PLPPR5: variants seen among roughly 807,000 people sequenced by gnomAD.
The protein encoded by PLPPR5 is phospholipid phosphatase-related protein type 5.
PLPPR5 carries 16 observed loss-of-function variants against 33.9 expected under a neutral mutation model. That is an observed-to-expected ratio of 0.47 (90% confidence interval 0.32 to 0.72). PLPPR5 has a LOEUF of 0.72. Ranked by LOEUF, PLPPR5 falls within the 30% of genes least tolerant of loss-of-function variation. The pLI is 0.03. For synonymous variants in PLPPR5, 163 were observed against 150.3 expected (o/e 1.08, Z -0.62); for missense variants, 301 against 406.7 (o/e 0.74, Z 2.23).
chr1:98,927,780 C>G (rs185893614), intron 3 of PLPPR5, among the ~76,000 whole-genome samples: 2 of 152,300 alleles, frequency 1.3e-5, no homozygotes, highest in East Asian at 3.9e-4. Context: ...CCATTCAGCC[C>G]TTCCCTCTCC....
At chr1:98,946,578 T>A (rs944799711) in intron 3 of PLPPR5, among the ~76,000 whole-genome samples, 1 of 152,164 alleles carries the variant, frequency 6.6e-6, no homozygotes, top group African/African-American at 2.4e-5. Flanking sequence ...CTTCTCCCCC[T>A]GTTCAAATCA....
intron 3 of PLPPR5, among the ~76,000 whole-genome samples, chr1:98,940,111 G>T (rs1650319168): frequency 6.6e-6 from 1 of 151,720 alleles, no homozygotes; most frequent in East Asian, 1.9e-4. Flanking sequence ...GTAAGGGAGG[G>T]GGTTCAGGTT....
At chr1:98,933,347 G>C (rs1277677225) in intron 3 of PLPPR5, among the ~76,000 whole-genome samples, 1 of 152,038 alleles carries the variant, frequency 6.6e-6, no homozygotes, top group Non-Finnish European at 1.5e-5. Context: ...GCCAGGCGTG[G>C]TGGCGCGTGC....
At chr1:98,943,672 T>A (rs1650457757) in intron 3 of PLPPR5, among the ~76,000 whole-genome samples, 1 of 152,194 alleles carries the variant, frequency 6.6e-6, no homozygotes, top group East Asian at 1.9e-4. Flanking sequence ...AACTCCAAGA[T>A]AATAAATAAA....
Position 98,953,298 on chromosome 1 carries a change from A to G in PLPPR5, c.393T>C (p.Phe131=), listed in dbSNP as rs1441771227. 1.9e-6 allele frequency: 3 copies of G among 1,613,892 alleles called. No homozygotes were observed. The highest frequency in any genetic ancestry group is 2.5e-6 in the Non-Finnish European group (3 of 1,179,980). Residue 131 remains phenylalanine, a synonymous_variant, in exon 3 of 6, where the codon TTT becomes TTC. Coordinates refer to ENST00000263177, the MANE Select transcript of PLPPR5 (RefSeq NM_001037317.2). ...CAGCATTTACAAAGATATCTGTAGC[A>G]AACAGTCCAAATGTATAAATTCCTG... The part of the protein sequence containing the change: ...RFLGIYTFGL[F]ATDIFVNAGQ...
chr1:98,976,345 A>G (rs545206629), intron 1 of PLPPR5, among the ~76,000 whole-genome samples: 15 of 152,214 alleles, frequency 9.9e-5, no homozygotes, highest in African/African-American at 3.6e-4. Context: ...CATTGATGAA[A>G]AAGTGTTTTT....
intron 3 of PLPPR5, 122 bp from the exon 4 acceptor site, chr1:98,922,180 T>C (rs1649581721): frequency 1.1e-6 from 1 of 875,804 alleles, no homozygotes. Context: ...ATTCAAATCA[T>C]TAACTGGAGT....
intron 5 of PLPPR5, among the ~76,000 whole-genome samples, chr1:98,908,730 G>A (rs1649003235): frequency 6.6e-6 from 1 of 152,148 alleles, no homozygotes; most frequent in South Asian, 2.1e-4. Flanking sequence ...CCTAAAATGG[G>A]GATGGCTGCA....
At chr1:98,937,102 A>T (rs1650196338) in intron 3 of PLPPR5, among the ~76,000 whole-genome samples, 1 of 152,232 alleles carries the variant, frequency 6.6e-6, no homozygotes, top group African/African-American at 2.4e-5. Flanking sequence ...CAGAGATCAG[A>T]ACATGGGCAG....
intron 5 of PLPPR5, among the ~76,000 whole-genome samples, chr1:98,910,749 C>T (rs1467701102): frequency 6.6e-6 from 1 of 152,092 alleles, no homozygotes; most frequent in African/African-American, 2.4e-5. Flanking sequence ...CACACTCACC[C>T]ACACTGGGAC....
chr1:98,974,084 G>A (rs1651760894), intron 1 of PLPPR5, among the ~76,000 whole-genome samples: 2 of 151,934 alleles, frequency 1.3e-5, no homozygotes. Flanking sequence ...AAAGAGCAAA[G>A]GGAAAGGAAG....
At chr1:98,980,175 T>A (rs1557691807) in intron 1 of PLPPR5, among the ~76,000 whole-genome samples, 1 of 152,056 alleles carries the variant, frequency 6.6e-6, no homozygotes, top group African/African-American at 2.4e-5. Flanking sequence ...CTTCTTCCTA[T>A]GCCCAGGTTT....
chr1:98,992,179 C>A (rs1652474164), intron 1 of PLPPR5, among the ~76,000 whole-genome samples: 1 of 152,018 alleles, frequency 6.6e-6, no homozygotes, highest in African/African-American at 2.4e-5. Flanking sequence ...AAATTAAGAA[C>A]ACAGAAAACA....
intron 3 of PLPPR5, among the ~76,000 whole-genome samples, chr1:98,923,000 A>G (rs1649626312): frequency 2.2e-5 from 1 of 44,816 alleles, no homozygotes; most frequent in African/African-American, 4.8e-5. Context: ...CAACAACAAC[A>G]ACAAAAAAAA....
chr1:98,982,674 T>C (rs983444481), intron 1 of PLPPR5, among the ~76,000 whole-genome samples: 1 of 152,086 alleles, frequency 6.6e-6, no homozygotes, highest in Non-Finnish European at 1.5e-5. Flanking sequence ...TTAAGATCTT[T>C]GAATTAAATG....
At chr1:98,944,313 C>T (rs1012218744) in intron 3 of PLPPR5, among the ~76,000 whole-genome samples, 1 of 152,168 alleles carries the variant, frequency 6.6e-6, no homozygotes, top group East Asian at 1.9e-4. Context: ...GGAAAAATAC[C>T]TCCCATATCA....
intron 3 of PLPPR5, among the ~76,000 whole-genome samples, chr1:98,930,229 C>G (rs149933448): frequency 0.013 from 2,049 of 152,230 alleles, 17 homozygotes; most frequent in Middle Eastern, 0.017. Context: ...AGTTTACTGT[C>G]AGGGACAAGA....
At chr1:98,946,778 A>G (rs1473528544) in intron 3 of PLPPR5, among the ~76,000 whole-genome samples, 1 of 152,190 alleles carries the variant, frequency 6.6e-6, no homozygotes, top group Non-Finnish European at 1.5e-5. Context: ...CATTACAGTA[A>G]GCACAGTACC....
At chr1:98,957,299 C>A (rs1454103575) in intron 1 of PLPPR5, among the ~76,000 whole-genome samples, 1 of 151,362 alleles carries the variant, frequency 6.6e-6, no homozygotes, top group African/African-American at 2.4e-5. Flanking sequence ...AACTAACCTG[C>A]ACATTGTGCA....
Sources: allele counts gnomAD v4.1 joint callset (sites outside exome capture counted in the v4.1 genomes callset), GRCh38; gene constraint gnomAD v4.1.1; transcripts MANE v1.5; gene names NCBI Gene and HGNC (gene_info 2026-07-23, HGNC 2026-07-21).